The following KDM5A variants were observed in gnomAD, a reference collection of about 807,000 sequenced individuals.
KDM5A encodes lysine-specific demethylase 5A.
Under a neutral mutation model 193.5 loss-of-function variants are expected in KDM5A, and 42 were observed. The observed-to-expected ratio is 0.22, with a 90% CI of 0.17 to 0.28. The LOEUF (loss-of-function observed/expected upper bound fraction) is 0.28. KDM5A is among the 10% of genes least tolerant of loss of function. KDM5A has a pLI of 1.00. For synonymous variants in KDM5A, 796 were observed against 718.1 expected, an observed-to-expected ratio of 1.11 and a Z score of -1.73; for missense variants, 1,692 against 2,055.1, an observed-to-expected ratio of 0.82 and a Z score of 3.42.
intron 20 of KDM5A, among the ~76,000 whole-genome samples, chr12:311,818 G>C (rs1368234362): frequency 6.6e-6 from 1 of 152,160 alleles, no homozygotes; most frequent in Non-Finnish European, 1.5e-5. Flanking sequence ...CGGATCACCT[G>C]AGGTGAGGAC....
chr12:348,715 A>G (rs1944110700), intron 10 of KDM5A, among the ~76,000 whole-genome samples: 1 of 151,922 alleles, frequency 6.6e-6, no homozygotes, highest in Non-Finnish European at 1.5e-5. Context: ...GAACAATGAG[A>G]TCACTTGAAC....
At chr12:384,304 G>C in intron 2 of KDM5A, 151 bp from the exon 3 acceptor site, 1 of 682,388 alleles carries the variant, frequency 1.5e-6, no homozygotes, top group Non-Finnish European at 2.7e-6. Context: ...CAGCGGCAGT[G>C]GGCAACCAAC....
In KDM5A at chr12:312,716, G is replaced by A. The variant is rs146339308; in HGVS notation, c.3036+340C>T. Among the ~76,000 whole-genome samples, 189 of 152,184 alleles carry A rather than the reference G, an allele frequency of 1.2e-3. 2 individuals are homozygous for A. The highest frequency in any genetic ancestry group is 0.011 in the East Asian group (56 of 5,184). The stretch of plus-strand genomic sequence containing the variant: ...AATGCATTTAATAAAATTAACATAC[G>A]AAACACAGCTTAGCCTAGCCTACCT... On this transcript the variant is annotated intron_variant, in intron 20 of 27. Transcript: ENST00000399788.
rs538854629 is a variant in KDM5A at position 294,815 on chromosome 12, C to T, written c.4455+758G>A. On this transcript the variant is annotated intron_variant, in intron 26 of 27. Coordinates refer to ENST00000399788, the MANE Select transcript of KDM5A (RefSeq NM_001042603.3). ...TGACCTTAATTTTCCACCTCTCATA[C>T]TTACTTTCTTCATATGCAGAATGGG... Among the ~76,000 whole-genome samples the T allele has an allele frequency of 2.8e-4, 43 of 152,184 alleles. 1 individual carries two copies. The highest frequency in any genetic ancestry group is 2.6e-4 in the Non-Finnish European group (18 of 68,032).
At chr12:308,295 T>C (rs1165892273) in intron 22 of KDM5A, among the ~76,000 whole-genome samples, 2 of 152,216 alleles carry the variant, frequency 1.3e-5, no homozygotes, top group East Asian at 3.8e-4. Flanking sequence ...CTGGCTCTTG[T>C]ACTTTTAGAC....
intron 4 of KDM5A, among the ~76,000 whole-genome samples, chr12:363,493 G>C (rs1300488961): frequency 1.3e-5 from 2 of 152,120 alleles, no homozygotes; most frequent in Non-Finnish European, 2.9e-5. Flanking sequence ...CTCCAACAAT[G>C]GTGGTGAGCT....
chr12:292,581 A>G (rs1943310362), intron 27 of KDM5A, among the ~76,000 whole-genome samples, 178 bp downstream of exon 27: 1 of 152,234 alleles, frequency 6.6e-6, no homozygotes, highest in Non-Finnish European at 1.5e-5. Flanking sequence ...CAACACTTCT[A>G]CTAGGCACAC....
In KDM5A at chr12:283,333, C is replaced by T. The variant is rs542117851; in HGVS notation, c.*2123G>A. On this transcript the variant is annotated 3_prime_UTR_variant, in exon 28 of 28. Coordinates refer to ENST00000399788, the MANE Select transcript of KDM5A (RefSeq NM_001042603.3). ...TTGGCAAAACGAAAACTTATGAAAT[C>T]AGTTAATTAGTTACCTTGCAATATC... The T allele has an allele frequency of 1.0e-4, 24 of 232,304 alleles. No individual in the cohort carries two copies. Among genetic ancestry groups the T allele is most frequent in the African/African-American group, 4.2e-4 (19 of 45,408 alleles). 14.4% of individuals were successfully genotyped at this position (232,304 alleles called of 1,614,324 possible).
At chr12:376,886 T>C (rs954495504) in intron 3 of KDM5A, among the ~76,000 whole-genome samples, 8 of 152,148 alleles carry the variant, frequency 5.3e-5, no homozygotes, top group African/African-American at 7.2e-5. Flanking sequence ...ATTTTGAAGA[T>C]AGTGATAAGC....
At chr12:318,508 A>G (rs1288256750) in intron 18 of KDM5A, 47 bp from the exon 19 acceptor site, 2 of 1,414,852 alleles carry the variant, frequency 1.4e-6, no homozygotes, top group Non-Finnish European at 2.0e-6. Context: ...AATTTAAAAC[A>G]TACAAAAGAG....
At chr12:353,871 G>A (rs55995724) in intron 8 of KDM5A, among the ~76,000 whole-genome samples, 2 of 144,036 alleles carry the variant, frequency 1.4e-5, no homozygotes. Flanking sequence ...GCAGTGAGCT[G>A]AGATCACACC....
rs1221939206 is a variant in KDM5A, at chr12:323,756, ACTT to A, written c.1991_1993del (p.Glu664del). 7 of 1,613,948 alleles carry A rather than the reference ACTT, an allele frequency of 4.3e-6. No individual in the cohort carries two copies. The highest frequency in any genetic ancestry group is 1.3e-5 in the African/African-American group (1 of 75,004). ...CTCATCATCAGGAACAAGTTCAAAC[ACTT>A]CTTCTTCTGACATCAGGACACCCTG... On this transcript the variant is annotated inframe_deletion, in exon 15 of 28. Transcript: ENST00000399788.
intron 2 of KDM5A, among the ~76,000 whole-genome samples, chr12:385,482 T>C (rs1004624573): frequency 6.6e-6 from 1 of 152,044 alleles, no homozygotes; most frequent in African/African-American, 2.4e-5. Context: ...TTAACACTCC[T>C]GGCAAAGTTC....
chr12:384,226 A>G, intron 2 of KDM5A, 73 bp from the exon 3 acceptor site: 1 of 1,128,112 alleles, frequency 8.9e-7, no homozygotes. Context: ...GGGGTCCCCA[A>G]ACCCCAGGAT....
At chr12:286,048 G>C (rs1456472352) in intron 27 of KDM5A, 1 of 416,288 alleles carries the variant, frequency 2.4e-6, no homozygotes, top group Non-Finnish European at 4.7e-6. Context: ...GAAAGGAAGA[G>C]TACAACAATG....
rs780115187 is a variant in KDM5A at position 308,053 on chromosome 12, C to T, written c.3379-48G>A. On this transcript the variant is annotated intron_variant, in intron 22 of 27. Transcript: ENST00000399788. ...TGAAAAGAGTCACTGCAATATACCC[C>T]CCAAAATACCAAATCCTCAAGGCTG... 3.9e-6 allele frequency: 6 copies of T among 1,547,238 alleles called. No individual in the cohort carries two copies. In the African/African-American group the frequency reaches 4.1e-5, roughly 11 times the overall value.
At chr12:302,511 A>G (rs1002552780) in intron 24 of KDM5A, among the ~76,000 whole-genome samples, 33 of 152,220 alleles carry the variant, frequency 2.2e-4, no homozygotes, top group African/African-American at 8.0e-4. Flanking sequence ...ACCTCACACA[A>G]AAATTAACTC....
intron 27 of KDM5A, 84 bp downstream of exon 27, chr12:292,675 T>C (rs1943312773): frequency 3.9e-6 from 6 of 1,547,352 alleles, no homozygotes; most frequent in East Asian, 4.5e-5. Flanking sequence ...ACCAAAAACA[T>C]ACTACACATT....
chr12:296,836 C>G (rs527745673), intron 25 of KDM5A, among the ~76,000 whole-genome samples: 2 of 152,318 alleles, frequency 1.3e-5, no homozygotes, highest in South Asian at 4.1e-4. Context: ...CTCTAAAACT[C>G]TATGTAAGTT....
Sources: allele counts gnomAD v4.1 joint callset (sites outside exome capture counted in the v4.1 genomes callset), GRCh38; gene constraint gnomAD v4.1.1; transcripts MANE v1.5; gene names NCBI Gene and HGNC (gene_info 2026-07-23, HGNC 2026-07-21).